The following PLXNA2 variants were observed in gnomAD, a reference collection of about 807,000 sequenced individuals.
PLXNA2 encodes the protein plexin A2, also known as plexin-A2.
A neutral mutation model predicts 193.5 loss-of-function variants in PLXNA2; 91 were observed. The ratio of observed to expected loss-of-function variants is 0.47; its 90% CI spans 0.40 to 0.56. The LOEUF is 0.56. Among genes scored for constraint, PLXNA2 ranks in the 20% least tolerant of loss-of-function variants. PLXNA2 has a pLI of 0.00. For synonymous variants in PLXNA2, 997 were observed against 1,027.3 expected (o/e 0.97, Z 0.56); for missense variants, 1,995 against 2,503.2 (o/e 0.80, Z 4.33).
intron 3 of PLXNA2, among the ~76,000 whole-genome samples, chr1:208,168,950 A>C (rs1669403663): frequency 6.6e-6 from 1 of 151,864 alleles, no homozygotes; most frequent in Admixed American, 6.6e-5. Flanking sequence ...ACGGACTCTC[A>C]ACTCCACCCC....
chr1:208,028,968 G>A lies in PLXNA2; in HGVS notation c.5300C>T (p.Thr1767Met), dbSNP rs1396680734. The change falls in exon 30 of 32, where the codon ACG becomes ATG. Residue 1767 changes from threonine (T) to methionine (M), a missense_variant. Thr to Met is a moderately conservative substitution (Grantham distance 81). This residue lies in a region of PLXNA2 where 1,291 missense variants were observed against 1,673.6 expected (regional missense o/e 0.77). Coordinates refer to ENST00000367033, the MANE Select transcript of PLXNA2 (RefSeq NM_025179.4). This position sits in a 1 kb window ranked among gnomAD's most constrained non-coding sequence, Gnocchi z 4.2. ...FVFDIHKGSI[T>M]DACLSVVAQT... is the part of the protein sequence containing the mutation. ...GGCCACCACAGAGAGGCAGGCGTCC[G>A]TGATGCTGCCCTTGTGGATGTCAAA... The A allele has an allele frequency of 3.1e-6, 5 of 1,613,960 alleles. No homozygotes were observed. The highest frequency in any genetic ancestry group is 2.2e-5 in the East Asian group (1 of 44,890).
At chr1:208,061,780 C>T (rs1351229131) in intron 12 of PLXNA2, among the ~76,000 whole-genome samples, 1 of 152,080 alleles carries the variant, frequency 6.6e-6, no homozygotes, top group African/African-American at 2.4e-5. Flanking sequence ...CTTTGGGATC[C>T]AACAGATCCC....
chr1:208,056,309 C>G (rs553634007), intron 13 of PLXNA2, among the ~76,000 whole-genome samples: 4 of 152,352 alleles, frequency 2.6e-5, no homozygotes, highest in Admixed American at 2.6e-4. Context: ...CTCTCCCTCT[C>G]TTCTAATGAG....
chr1:208,100,247 T>C (rs548002195), intron 5 of PLXNA2, among the ~76,000 whole-genome samples: 1 of 152,206 alleles, frequency 6.6e-6, no homozygotes, highest in South Asian at 2.1e-4. Flanking sequence ...CACACGCCTC[T>C]AGTTCCAGTT....
chr1:208,184,134 C>T (rs1282993075), intron 3 of PLXNA2, among the ~76,000 whole-genome samples: 2 of 152,098 alleles, frequency 1.3e-5, no homozygotes, highest in Non-Finnish European at 2.9e-5. Flanking sequence ...TTCTTGATTT[C>T]CCCAGATGTT....
intron 3 of PLXNA2, among the ~76,000 whole-genome samples, chr1:208,148,035 T>C (rs1220588908): frequency 2.0e-5 from 3 of 152,168 alleles, no homozygotes; most frequent in African/African-American, 7.2e-5. Context: ...GAGAATGAAA[T>C]AGTAACCCCA....
At chr1:208,058,701 A>C (rs1665520281) in intron 13 of PLXNA2, among the ~76,000 whole-genome samples, 1 of 152,132 alleles carries the variant, frequency 6.6e-6, no homozygotes, top group Non-Finnish European at 1.5e-5. Flanking sequence ...GCAGGAATGC[A>C]TGGGGATTGT....
chr1:208,235,244 C>T (rs1301118943), intron 1 of PLXNA2, among the ~76,000 whole-genome samples: 3 of 152,216 alleles, frequency 2.0e-5, no homozygotes, highest in Admixed American at 6.5e-5. Context: ...GTCCCATCTC[C>T]ACCAAGTCTT....
At chr1:208,222,391 C>T (rs924449561) in intron 1 of PLXNA2, among the ~76,000 whole-genome samples, 13 of 152,306 alleles carry the variant, frequency 8.5e-5, no homozygotes, top group African/African-American at 3.1e-4. Context: ...ACCAGGTATG[C>T]TGCTCCAGGA....
chr1:208,067,324 A>T (rs1187106775), intron 12 of PLXNA2, among the ~76,000 whole-genome samples: 1 of 150,498 alleles, frequency 6.6e-6, no homozygotes, highest in Non-Finnish European at 1.5e-5. Context: ...AGCTTGGGCA[A>T]CAAGAGTGGA....
chr1:208,136,152 G>T (rs1384751719), intron 4 of PLXNA2, among the ~76,000 whole-genome samples: 1 of 152,200 alleles, frequency 6.6e-6, no homozygotes, highest in East Asian at 1.9e-4. Context: ...TGTCCTTCTA[G>T]TCAGTCCCAG....
chr1:208,122,739 G>C, intron 4 of PLXNA2, among the ~76,000 whole-genome samples: 1 of 152,116 alleles, frequency 6.6e-6, no homozygotes. Flanking sequence ...AAAGCAGGAA[G>C]AAGGGAAGAG....
chr1:208,045,258 C>A (rs1334512795), intron 18 of PLXNA2, 48 bp from the exon 19 acceptor site: 6 of 1,580,424 alleles, frequency 3.8e-6, no homozygotes, highest in South Asian at 1.1e-5. Flanking sequence ...CATGCACGCA[C>A]AAGTTAATTG....
intron 8 of PLXNA2, among the ~76,000 whole-genome samples, chr1:208,093,337 T>A (rs1371830750): frequency 6.6e-6 from 1 of 152,114 alleles, no homozygotes; most frequent in African/African-American, 2.4e-5. Flanking sequence ...AAAGACAGGG[T>A]AGCCGGCAGA....
At chr1:208,062,465 T>C (rs1165964126) in intron 12 of PLXNA2, among the ~76,000 whole-genome samples, 1 of 152,166 alleles carries the variant, frequency 6.6e-6, no homozygotes, top group Non-Finnish European at 1.5e-5. Context: ...TCCCGGTCTC[T>C]CGGCAAGTTG....
At chr1:208,156,362 T>A (rs925814487) in intron 3 of PLXNA2, among the ~76,000 whole-genome samples, 16 of 152,174 alleles carry the variant, frequency 1.1e-4, no homozygotes, top group Admixed American at 6.5e-4. Flanking sequence ...AATCCTAGAA[T>A]GTGAGCATAG....
At chr1:208,183,543 C>T (rs1669907782) in intron 3 of PLXNA2, among the ~76,000 whole-genome samples, 1 of 141,352 alleles carries the variant, frequency 7.1e-6, no homozygotes, top group East Asian at 2.2e-4. Flanking sequence ...CACCATTCTG[C>T]GCAGCGTCCC....
At position 208,042,095 on chromosome 1, in the gene PLXNA2, G is replaced by C; in HGVS notation, c.4286+3C>G. 6.2e-7 allele frequency: 1 copy of C among 1,613,364 alleles called. No homozygotes were observed. The highest frequency in any genetic ancestry group is 8.5e-7 in the Non-Finnish European group (1 of 1,179,472). On this transcript the variant is annotated splice_donor_region_variant and intron_variant, in intron 22 of 31. Transcript: ENST00000367033. ...CCTCTCCACCCACTGCTGCGGGCCA[G>C]ACCTCCGGAGTAGCAGCTTGGGGTG...
rs563044907 is a variant in PLXNA2 at position 208,038,143 on chromosome 1, C to A, written c.4764+228G>T. On this transcript the variant is annotated intron_variant, in intron 26 of 31. Transcript: ENST00000367033. This position sits in a 1 kb window ranked among gnomAD's most constrained non-coding sequence, Gnocchi z 4.1. ...GAAATGCCTAGGCCTTACCCCAGAC[C>A]TGTTAAATCTGTTTCTGAGGGTGGA... 2.0e-4 allele frequency among the ~76,000 whole-genome samples: 30 copies of A among 152,246 alleles called. No homozygotes were observed. Among genetic ancestry groups the A allele is most frequent in the Middle Eastern group, 3.4e-3 (1 of 294 alleles).
Sources: allele counts gnomAD v4.1 joint callset (sites outside exome capture counted in the v4.1 genomes callset), GRCh38; gene constraint gnomAD v4.1.1; regional missense constraint gnomAD v4.1.1; non-coding constraint Gnocchi (gnomAD v3.1); transcripts MANE v1.5; gene names NCBI Gene and HGNC (gene_info 2026-07-23, HGNC 2026-07-21).